Variants in PLPP4 observed in about 807,000 individuals in gnomAD.
PLPP4 encodes phospholipid phosphatase 4.
A neutral mutation model predicts 32.2 loss-of-function variants in PLPP4; 20 were observed. The ratio of observed to expected loss-of-function variants is 0.62; its 90% CI spans 0.44 to 0.90. The LOEUF (loss-of-function observed/expected upper bound fraction) is 0.90, where lower values mean the gene tolerates loss of function less well. Ranked by LOEUF, PLPP4 falls within the 40% of genes least tolerant of loss-of-function variation. PLPP4 has a pLI of 0.00. For synonymous variants in PLPP4, 127 were observed against 133.0 expected (o/e 0.95, Z 0.31); for missense variants, 257 against 353.1 (o/e 0.73, Z 2.18).
intron 5 of PLPP4, among the ~76,000 whole-genome samples, chr10:120,558,403 CTTTCTTTCTTT>C (rs1848259701): frequency 7.3e-6 from 1 of 136,554 alleles, no homozygotes; most frequent in Non-Finnish European, 1.6e-5. Context: ...ATTTTCTTTT[CTTTCTTTCTTT>C]TTTTTTTTTT....
chr10:120,463,828 A>G (rs116281226), intron 1 of PLPP4, among the ~76,000 whole-genome samples: 2,513 of 150,132 alleles, frequency 0.017, 84 homozygotes, highest in African/African-American at 0.058. Flanking sequence ...TTTTTTTTGT[A>G]TATATAGATA....
At chr10:120,574,158 ACACACACACACTCTCTCTCTCTCTCT>A (rs1564850013) in intron 5 of PLPP4, among the ~76,000 whole-genome samples, 13 of 121,180 alleles carry the variant, frequency 1.1e-4, no homozygotes, top group Admixed American at 2.7e-4. Flanking sequence ...ACACACACAC[ACACACACACACTCTCTCTCTCTCTCT>A]CTCTCTCTCT....
intron 1 of PLPP4, among the ~76,000 whole-genome samples, chr10:120,479,040 C>A (rs1342450181): frequency 2.0e-5 from 3 of 152,178 alleles, no homozygotes; most frequent in Non-Finnish European, 4.4e-5. Context: ...TCCTGGCTAA[C>A]ATGGTGAAAC....
chr10:120,571,093 CGT>C (rs60011757), intron 5 of PLPP4, among the ~76,000 whole-genome samples: 6,388 of 144,564 alleles, frequency 0.044, 210 homozygotes, highest in South Asian at 0.17. Context: ...AGTAAAGGGG[CGT>C]GTGTGTGTGT....
intron 2 of PLPP4, among the ~76,000 whole-genome samples, chr10:120,508,056 G>C (rs1192306521): frequency 6.6e-6 from 1 of 152,066 alleles, no homozygotes; most frequent in Non-Finnish European, 1.5e-5. Context: ...TTTTTGCTTC[G>C]ACCGTGATAT....
At chr10:120,458,299 T>G (rs1847885569) in intron 1 of PLPP4, among the ~76,000 whole-genome samples, 1 of 152,214 alleles carries the variant, frequency 6.6e-6, no homozygotes, top group African/African-American at 2.4e-5. Flanking sequence ...TCCCCCTCTC[T>G]GCCCATGGAT....
At chr10:120,531,895 C>CACATAT (rs3066602) in intron 5 of PLPP4, among the ~76,000 whole-genome samples, 31 of 140,476 alleles carry the variant, frequency 2.2e-4, no homozygotes, top group South Asian at 1.2e-3. Context: ...CACACACACA[C>CACATAT]ATATATATAT....
chr10:120,505,925 A>G (rs1387377230), intron 2 of PLPP4, among the ~76,000 whole-genome samples: 1 of 152,232 alleles, frequency 6.6e-6, no homozygotes, highest in African/African-American at 2.4e-5. Context: ...CATGTGTTGT[A>G]AAAACACAAT....
chr10:120,575,567 G>A (rs1849184201), intron 6 of PLPP4, among the ~76,000 whole-genome samples: 1 of 152,164 alleles, frequency 6.6e-6, no homozygotes, highest in African/African-American at 2.4e-5. Flanking sequence ...AGGCCCTTTG[G>A]TTTAGTGTCA....
intron 1 of PLPP4, among the ~76,000 whole-genome samples, chr10:120,499,704 G>A (rs763706940): frequency 6.6e-6 from 1 of 152,116 alleles, no homozygotes; most frequent in African/African-American, 2.4e-5. Context: ...TGAACCTGCT[G>A]TCTCTGTATC....
chr10:120,552,604 G>T (rs1589867381), intron 5 of PLPP4, among the ~76,000 whole-genome samples: 1 of 152,184 alleles, frequency 6.6e-6, no homozygotes, highest in African/African-American at 2.4e-5. Context: ...TCATTCCCAG[G>T]AAAGCAATCT....
intron 5 of PLPP4, among the ~76,000 whole-genome samples, chr10:120,563,529 G>A (rs1034643318): frequency 2.0e-5 from 3 of 151,796 alleles, no homozygotes; most frequent in South Asian, 2.1e-4. Context: ...GGCCGGGCGC[G>A]GTGGCTCACG....
At chr10:120,547,489 T>C (rs996422773) in intron 5 of PLPP4, among the ~76,000 whole-genome samples, 38 of 152,298 alleles carry the variant, frequency 2.5e-4, no homozygotes, top group African/African-American at 8.9e-4. Flanking sequence ...AATGATTGAT[T>C]ATTAATAAGT....
chr10:120,587,876 T>G (rs1343947153), intron 6 of PLPP4, among the ~76,000 whole-genome samples: 4 of 152,228 alleles, frequency 2.6e-5, no homozygotes, highest in African/African-American at 9.6e-5. Flanking sequence ...CCCTGAGCAC[T>G]GATCCTTCAG....
At chr10:120,481,565 G>A (rs1329121201) in intron 1 of PLPP4, among the ~76,000 whole-genome samples, 1 of 152,178 alleles carries the variant, frequency 6.6e-6, no homozygotes, top group African/African-American at 2.4e-5. Flanking sequence ...ACTCTTCCTG[G>A]AAGTTCCCTG....
intron 5 of PLPP4, among the ~76,000 whole-genome samples, chr10:120,552,210 T>A (rs943546073): frequency 1.2e-5 from 1 of 85,888 alleles, no homozygotes; most frequent in African/African-American, 3.6e-5. Context: ...GTGTGTGTGA[T>A]GTTATGTTTT....
At chr10:120,497,956 C>T (rs1845049070) in intron 1 of PLPP4, among the ~76,000 whole-genome samples, 1 of 151,878 alleles carries the variant, frequency 6.6e-6, no homozygotes, top group South Asian at 2.1e-4. Flanking sequence ...AGGAGAATGG[C>T]GTGAACCTGG....
chr10:120,471,517 A>AC (rs571437121), intron 1 of PLPP4, among the ~76,000 whole-genome samples: 6 of 152,092 alleles, frequency 3.9e-5, no homozygotes, highest in Non-Finnish European at 7.4e-5. Flanking sequence ...TAATATTATT[A>AC]TCTTAAGGTC....
chr10:120,489,128 G>T (rs972275621), intron 1 of PLPP4, among the ~76,000 whole-genome samples: 3 of 152,192 alleles, frequency 2.0e-5, no homozygotes, highest in African/African-American at 7.2e-5. Context: ...TCAGGCAGCT[G>T]TCATATATCA....
Sources: gnomAD v4.1 joint callset for allele counts (sites outside exome capture counted in the v4.1 genomes callset) on GRCh38, gnomAD v4.1.1 for gene constraint, MANE v1.5 for transcripts, NCBI Gene and HGNC (gene_info 2026-07-23, HGNC 2026-07-21) for gene names.